The following UNC13C variants were observed in gnomAD, a reference collection of about 807,000 sequenced individuals.
UNC13C encodes protein unc-13 homolog C.
A neutral mutation model predicts 245.4 loss-of-function variants in UNC13C; 174 were observed. The ratio of observed to expected loss-of-function variants is 0.71; its 90% CI spans 0.63 to 0.80. The LOEUF (loss-of-function observed/expected upper bound fraction) is 0.80, where lower values mean the gene tolerates loss of function less well. UNC13C is among the 30% of genes least tolerant of loss of function. The pLI, the probability that UNC13C is intolerant of heterozygous loss-of-function variation, is 0.00. For synonymous variants in UNC13C, 992 were observed against 895.1 expected, an observed-to-expected ratio of 1.11 and a Z score of -1.93; for missense variants, 2,829 against 2,602.9, an observed-to-expected ratio of 1.09 and a Z score of -1.89.
At chr15:54,163,543 AACACCCACTGT>A (rs756171998) in intron 4 of UNC13C, among the ~76,000 whole-genome samples, 36 of 152,180 alleles carry the variant, frequency 2.4e-4, no homozygotes, top group Non-Finnish European at 4.4e-4. Flanking sequence ...CATCTTTTGG[AACACCCACTGT>A]ACTTCTTTTT....
chr15:54,415,054 A>G lies in UNC13C; in HGVS notation c.4920A>G (p.Lys1640=). 1 of 1,607,982 alleles carries G rather than the reference A, an allele frequency of 6.2e-7. No individual in the cohort carries two copies. The highest frequency in any genetic ancestry group is 8.5e-7 in the Non-Finnish European group (1 of 1,175,838). The part of the protein sequence containing the change: ...IMWTLFALDM[K]YALEEHENQR... Reference sequence around the variant, plus strand: ...GGACTCTTTTTGCTCTGGATATGAAATATGCATTAGAAGGTAATTATAAAT... The same window carrying G: ...GGACTCTTTTTGCTCTGGATATGAAGTATGCATTAGAAGGTAATTATAAAT... Residue 1640 remains lysine (K), a synonymous_variant, in exon 19 of 33, where the codon AAA becomes AAG. Transcript: ENST00000260323.
At chr15:54,447,715 A>T (rs549398662) in intron 19 of UNC13C, among the ~76,000 whole-genome samples, 1 of 152,166 alleles carries the variant, frequency 6.6e-6, no homozygotes, top group East Asian at 1.9e-4. Context: ...GATCTTTTCA[A>T]AAAAACCAGC....
At chr15:54,120,200 C>T (rs1335096750) in intron 2 of UNC13C, among the ~76,000 whole-genome samples, 2 of 152,134 alleles carry the variant, frequency 1.3e-5, no homozygotes, top group South Asian at 2.1e-4. Flanking sequence ...TGCCTGGCTT[C>T]CAAGCTTCAA....
chr15:54,473,930 T>G (rs1384345487), intron 19 of UNC13C, among the ~76,000 whole-genome samples: 1 of 151,896 alleles, frequency 6.6e-6, no homozygotes, highest in Non-Finnish European at 1.5e-5. Flanking sequence ...TTCCACTCTC[T>G]ACATCTGTGT....
At chr15:54,119,531 G>C (rs1291351174) in intron 2 of UNC13C, among the ~76,000 whole-genome samples, 1 of 152,064 alleles carries the variant, frequency 6.6e-6, no homozygotes, top group East Asian at 1.9e-4. Context: ...GATTTCTGCA[G>C]ACACAACAAT....
rs535126713 is a variant in UNC13C at position 54,215,226 on chromosome 15, A to G, written c.3072-19804A>G. ...CACTGACATTGTTCCCAAGCCTACC[A>G]TTGAGAAAACCTTCAGGAGACTGTT... On this transcript the variant is annotated intron_variant, in intron 4 of 32. Transcript: ENST00000260323. Among the ~76,000 whole-genome samples, 8 of 152,082 alleles carry G rather than the reference A, an allele frequency of 5.3e-5. No individual in the cohort carries two copies. The South Asian group carries it at 1.0e-3, about 20-fold the overall frequency.
At chr15:54,408,169 C>T (rs1344215658) in intron 18 of UNC13C, among the ~76,000 whole-genome samples, 1 of 117,746 alleles carries the variant, frequency 8.5e-6, no homozygotes, top group African/African-American at 3.3e-5. Context: ...CACTGCACTC[C>T]AGCCTGGGTG....
intron 2 of UNC13C, among the ~76,000 whole-genome samples, chr15:54,019,002 C>T (rs931101578): frequency 6.6e-6 from 1 of 152,192 alleles, no homozygotes; most frequent in African/African-American, 2.4e-5. Flanking sequence ...ACTTTATCTC[C>T]TGAGAACTCA....
At chr15:54,504,351 T>C (rs1337550082) in intron 22 of UNC13C, among the ~76,000 whole-genome samples, 1 of 152,188 alleles carries the variant, frequency 6.6e-6, no homozygotes, top group Non-Finnish European at 1.5e-5. Context: ...TTGAGCATTA[T>C]TATATGCTAA....
At chr15:53,843,871 A>G in the UNC13C span, among the ~76,000 whole-genome samples, 1 of 152,210 alleles carries the variant, frequency 6.6e-6, no homozygotes, top group African/African-American at 2.4e-5. Context: ...CAGTGGAGTG[A>G]GAATTAAGTG....
intron 14 of UNC13C, among the ~76,000 whole-genome samples, chr15:54,329,799 T>C (rs1039542733): frequency 6.6e-6 from 1 of 152,062 alleles, no homozygotes; most frequent in Non-Finnish European, 1.5e-5. Context: ...TGAATGTAAA[T>C]TTTCCAGCTA....
At chr15:54,592,892 G>A (rs1360220778) in intron 30 of UNC13C, among the ~76,000 whole-genome samples, 1 of 133,158 alleles carries the variant, frequency 7.5e-6, no homozygotes, top group African/African-American at 2.8e-5. Flanking sequence ...TTGTATTTTT[G>A]TTGTATAGGT....
rs144735779 is a variant in UNC13C, at chr15:54,066,425, G to A, written c.2983+50539G>A. ...TAGAGTTAGTCCATTTTGTGTCTTCGCTGTTTTCAAACATTTTGTTTTTTC... is the reference window on the plus strand; with the variant it reads ...TAGAGTTAGTCCATTTTGTGTCTTCACTGTTTTCAAACATTTTGTTTTTTC... On this transcript the variant is annotated intron_variant, in intron 2 of 32. Transcript: ENST00000260323. 9.9e-5 allele frequency among the ~76,000 whole-genome samples: 15 copies of A among 152,220 alleles called. No homozygotes were observed. In the East Asian group the frequency reaches 2.3e-3, roughly 24 times the overall value.
chr15:54,050,997 C>A, intron 2 of UNC13C: 1 of 454,156 alleles, frequency 2.2e-6, no homozygotes, highest in Non-Finnish European at 4.4e-6. Flanking sequence ...TCTCGATCTC[C>A]TGGTCACCAT....
chr15:54,551,478 C>A (rs745479052), intron 28 of UNC13C, among the ~76,000 whole-genome samples: 3 of 151,942 alleles, frequency 2.0e-5, no homozygotes, highest in African/African-American at 7.2e-5. Flanking sequence ...GAACTCTGAT[C>A]GAGATAGAGA....
intron 30 of UNC13C, among the ~76,000 whole-genome samples, chr15:54,574,460 T>C (rs980078337): frequency 5.3e-5 from 8 of 152,220 alleles, no homozygotes; most frequent in African/African-American, 1.9e-4. Context: ...TTTGAATATT[T>C]CATGCAGGAG....
chr15:53,887,723 C>T, the UNC13C span, among the ~76,000 whole-genome samples: 1 of 151,910 alleles, frequency 6.6e-6, no homozygotes. Flanking sequence ...ACGCCCCACC[C>T]CCCGATAGTG....
At chr15:54,488,340 C>T (rs1893531507) in intron 19 of UNC13C, among the ~76,000 whole-genome samples, 1 of 152,114 alleles carries the variant, frequency 6.6e-6, no homozygotes, top group Non-Finnish European at 1.5e-5. Context: ...CATATTGTTT[C>T]CAGACCATTC....
Position 54,622,419 on chromosome 15 carries a change from G to A in UNC13C, c.6199G>A (p.Val2067Met). 1.2e-6 allele frequency: 2 copies of A among 1,609,370 alleles called. No individual in the cohort carries two copies. Among genetic ancestry groups the A allele is most frequent in the Non-Finnish European group, 1.7e-6 (2 of 1,176,090 alleles). Reference sequence around the variant, plus strand: ...GGGAGATCATAAAGTCACTGTAAAAGGTATACTTCTGGTCTAGATAAATCA... The same window carrying A: ...GGGAGATCATAAAGTCACTGTAAAAAGTATACTTCTGGTCTAGATAAATCA... ...GTGDHKVTVK[V>M]IAINDLNWQT... Residue 2067 changes from valine to methionine, a missense_variant and splice_region_variant, in exon 31 of 33, where the codon GTG (valine) becomes ATG (methionine). Coordinates refer to ENST00000260323, the MANE Select transcript of UNC13C (RefSeq NM_001080534.3).
Sources: gnomAD v4.1 joint callset for allele counts (sites outside exome capture counted in the v4.1 genomes callset) on GRCh38, gnomAD v4.1.1 for gene constraint, MANE v1.5 for transcripts, NCBI Gene and HGNC (gene_info 2026-07-23, HGNC 2026-07-21) for gene names.